The following ITPR2 variants were observed in gnomAD, a reference collection of about 807,000 sequenced individuals.
The protein encoded by ITPR2 is inositol 1,4,5-trisphosphate receptor type 2, also known as inositol 1,4,5-trisphosphate-gated calcium channel ITPR2.
Under a neutral mutation model 317.1 loss-of-function variants are expected in ITPR2, and 207 were observed. The observed-to-expected ratio is 0.65, with a 90% CI of 0.58 to 0.73. ITPR2 has a LOEUF of 0.73. ITPR2 is among the 30% of genes least tolerant of loss of function. ITPR2 has a pLI of 0.00. For missense variants in ITPR2, 2,613 were observed against 3,284.0 expected (o/e 0.80, Z 4.99); for synonymous variants, 1,156 against 1,149.1 (o/e 1.01, Z -0.12).
chr12:26,452,476 C>T (rs1237590056), intron 45 of ITPR2, among the ~76,000 whole-genome samples: 2 of 151,942 alleles, frequency 1.3e-5, no homozygotes, highest in African/African-American at 4.8e-5. Flanking sequence ...TTTCTAGGCT[C>T]ATGAATTTCT....
intron 9 of ITPR2, among the ~76,000 whole-genome samples, chr12:26,703,008 T>C (rs1948478902): frequency 1.3e-5 from 2 of 152,204 alleles, no homozygotes; most frequent in Non-Finnish European, 2.9e-5. Flanking sequence ...CTTTGGATAG[T>C]GCCCCCTTCA....
At chr12:26,530,290 A>C (rs985006560) in intron 37 of ITPR2, among the ~76,000 whole-genome samples, 1 of 152,338 alleles carries the variant, frequency 6.6e-6, no homozygotes, top group African/African-American at 2.4e-5. Flanking sequence ...CTTATTCTGG[A>C]ATTTTCTACA....
Position 26,634,185 on chromosome 12 carries a change from G to C in ITPR2, c.2741-2126C>G, listed in dbSNP as rs568368381. Among the ~76,000 whole-genome samples, 3 of 152,242 alleles carry C rather than the reference G, an allele frequency of 2.0e-5. No homozygotes were observed. In the East Asian group the frequency reaches 5.8e-4, roughly 29 times the overall value. ...TCAAATTAAAAATGCTACATTTTCT[G>C]GATTTGGTTGGTGGTGATGAGAAGT... On this transcript the variant is annotated intron_variant, in intron 21 of 56. Coordinates refer to ENST00000381340, the MANE Select transcript of ITPR2 (RefSeq NM_002223.4).
chr12:26,710,269 T>A (rs547510664), intron 9 of ITPR2, among the ~76,000 whole-genome samples: 10 of 152,324 alleles, frequency 6.6e-5, no homozygotes, highest in Admixed American at 4.6e-4. Context: ...GTGCTTACCA[T>A]AAACCACAAC....
In ITPR2 at chr12:26,363,882, C is replaced by T. The variant is rs553064488; in HGVS notation, c.7857+23552G>A. 2.0e-5 allele frequency among the ~76,000 whole-genome samples: 3 copies of T among 152,240 alleles called. No individual in the cohort carries two copies. In the South Asian group the frequency reaches 6.2e-4, roughly 32 times the overall value. On this transcript the variant is annotated intron_variant, in intron 55 of 56. Coordinates refer to ENST00000381340, the MANE Select transcript of ITPR2 (RefSeq NM_002223.4). ...AGGAAATGAAAAGTGTATAATGACA[C>T]CTTTATGTATAAAATGTCTTCTAAA...
intron 45 of ITPR2, among the ~76,000 whole-genome samples, chr12:26,458,902 G>A (rs1053910945): frequency 3.9e-5 from 6 of 152,116 alleles, no homozygotes; most frequent in Admixed American, 2.0e-4. Context: ...CACAGCTCCC[G>A]ACCCCACTGA....
chr12:26,374,589 A>G (rs779032441), intron 55 of ITPR2, among the ~76,000 whole-genome samples: 1 of 152,256 alleles, frequency 6.6e-6, no homozygotes, highest in African/African-American at 2.4e-5. Flanking sequence ...TATTTTAAGT[A>G]GATGTGGGAG....
intron 18 of ITPR2, 56 bp from the exon 19 acceptor site, chr12:26,656,604 G>A (rs2306550): frequency 0.073 from 114,189 of 1,561,674 alleles, 4,575 homozygotes; most frequent in African/African-American, 0.12. Flanking sequence ...ATCTTTAAAC[G>A]TCATAGTACC....
chr12:26,473,679 G>A (rs1942346849), intron 45 of ITPR2, among the ~76,000 whole-genome samples: 1 of 152,182 alleles, frequency 6.6e-6, no homozygotes, highest in South Asian at 2.1e-4. Context: ...ATGTTTCTGT[G>A]TTCATTCTAG....
intron 49 of ITPR2, among the ~76,000 whole-genome samples, chr12:26,423,588 A>G (rs1940958714): frequency 6.6e-6 from 1 of 152,174 alleles, no homozygotes; most frequent in African/African-American, 2.4e-5. Context: ...AAGTTAATGG[A>G]GTGGTTATAA....
intron 9 of ITPR2, among the ~76,000 whole-genome samples, chr12:26,695,960 C>T (rs1442496915): frequency 6.6e-6 from 1 of 151,888 alleles, no homozygotes; most frequent in Non-Finnish European, 1.5e-5. Context: ...ATTTTACCCT[C>T]TGCAAAAACT....
intron 37 of ITPR2, among the ~76,000 whole-genome samples, chr12:26,538,837 A>G (rs942232108): frequency 8.5e-5 from 13 of 152,068 alleles, no homozygotes; most frequent in Non-Finnish European, 1.6e-4. Flanking sequence ...CACCTCCCAA[A>G]GTGCTAGGAT....
At chr12:26,665,660 C>A (rs1304663139) in intron 14 of ITPR2, among the ~76,000 whole-genome samples, 1 of 152,120 alleles carries the variant, frequency 6.6e-6, no homozygotes, top group Non-Finnish European at 1.5e-5. Flanking sequence ...CTCAGTTGAA[C>A]CTTGAGATGC....
At chr12:26,711,344 C>T in intron 8 of ITPR2, 76 bp from the exon 9 acceptor site, 3 of 948,448 alleles carry the variant, frequency 3.2e-6, no homozygotes, top group Non-Finnish European at 5.2e-6. Context: ...AGTTTACATG[C>T]CTGCCCTCCT....
intron 55 of ITPR2, among the ~76,000 whole-genome samples, chr12:26,382,162 T>A (rs1029395383): frequency 2.6e-5 from 4 of 152,314 alleles, no homozygotes; most frequent in South Asian, 4.1e-4. Flanking sequence ...TTTTATTATT[T>A]TTACTTTCCT....
At chr12:26,585,629 T>C (rs1392118426) in intron 32 of ITPR2, among the ~76,000 whole-genome samples, 2 of 152,102 alleles carry the variant, frequency 1.3e-5, no homozygotes, top group Admixed American at 6.6e-5. Flanking sequence ...GGTCTCGAAC[T>C]CCTGGGCTCA....
At chr12:26,353,273 CAA>C (rs1428612147) in intron 55 of ITPR2, among the ~76,000 whole-genome samples, 1 of 152,158 alleles carries the variant, frequency 6.6e-6, no homozygotes, top group African/African-American at 2.4e-5. Context: ...TTTTGGTGAT[CAA>C]AGTCCTCGAT....
intron 29 of ITPR2, among the ~76,000 whole-genome samples, chr12:26,599,695 C>CT (rs1945946209): frequency 6.6e-6 from 1 of 152,092 alleles, no homozygotes; most frequent in South Asian, 2.1e-4. Context: ...CCATATTTAC[C>CT]TTACTCATGG....
chr12:26,447,101 C>A (rs1941625954), intron 45 of ITPR2, among the ~76,000 whole-genome samples: 1 of 152,034 alleles, frequency 6.6e-6, no homozygotes, highest in African/African-American at 2.4e-5. Context: ...TTACTCATCT[C>A]TTTGTTCTCA....
Sources: gnomAD v4.1 joint callset for allele counts (sites outside exome capture counted in the v4.1 genomes callset) on GRCh38, gnomAD v4.1.1 for gene constraint, MANE v1.5 for transcripts, NCBI Gene and HGNC (gene_info 2026-07-23, HGNC 2026-07-21) for gene names.